Variants in SNTB2 observed in about 807,000 individuals in gnomAD.
The protein encoded by SNTB2 is beta-2-syntrophin.
Under a neutral mutation model 46.2 loss-of-function variants are expected in SNTB2, and 34 were observed. The ratio of observed to expected loss-of-function variants is 0.74; its 90% CI spans 0.56 to 0.98. The LOEUF (loss-of-function observed/expected upper bound fraction) is 0.98, where lower values mean the gene tolerates loss of function less well. SNTB2 is among the 50% of genes least tolerant of loss of function. SNTB2 has a pLI of 0.00. For missense variants in SNTB2, 603 were observed against 731.4 expected, an observed-to-expected ratio of 0.82 and a Z score of 2.02; for synonymous variants, 290 against 312.6, an observed-to-expected ratio of 0.93 and a Z score of 0.76.
intron 3 of SNTB2, among the ~76,000 whole-genome samples, chr16:69,267,649 A>G (rs1337366790): frequency 1.3e-5 from 2 of 152,240 alleles, no homozygotes; most frequent in Non-Finnish European, 2.9e-5. Context: ...AGCACATGGT[A>G]GAGCACTGGT....
At chr16:69,269,723 A>G (rs1470096931) in intron 3 of SNTB2, among the ~76,000 whole-genome samples, 1 of 152,198 alleles carries the variant, frequency 6.6e-6, no homozygotes, top group African/African-American at 2.4e-5. Context: ...TTTAGAAGAT[A>G]TTACACATCA....
intron 1 of SNTB2, among the ~76,000 whole-genome samples, chr16:69,221,041 A>G (rs1168853973): frequency 6.6e-6 from 1 of 152,172 alleles, no homozygotes; most frequent in Non-Finnish European, 1.5e-5. Flanking sequence ...GGACTCACAC[A>G]GTATGTAGCC....
chr16:69,194,018 C>T (rs926054227), intron 1 of SNTB2, among the ~76,000 whole-genome samples: 6 of 152,142 alleles, frequency 3.9e-5, no homozygotes, highest in Non-Finnish European at 7.4e-5. Context: ...AGAGGTTTAA[C>T]TTTATTTGTT....
chr16:69,188,157 T>G (rs114348340), intron 1 of SNTB2, among the ~76,000 whole-genome samples: 6,494 of 149,192 alleles, frequency 0.044, 189 homozygotes, highest in South Asian at 0.075. Flanking sequence ...AAAAAAAAAG[T>G]CCATCTTCAC....
intron 5 of SNTB2, among the ~76,000 whole-genome samples, chr16:69,286,140 T>C (rs1301292008): frequency 1.3e-5 from 2 of 151,108 alleles, no homozygotes; most frequent in Non-Finnish European, 3.0e-5. Context: ...TTTTTAGAGA[T>C]GAGGTCTTAC....
At chr16:69,222,554 C>G (rs1168065263) in intron 1 of SNTB2, among the ~76,000 whole-genome samples, 1 of 149,468 alleles carries the variant, frequency 6.7e-6, no homozygotes, top group Non-Finnish European at 1.5e-5. Flanking sequence ...GATCATGCCA[C>G]TGCACTCCAG....
intron 1 of SNTB2, among the ~76,000 whole-genome samples, chr16:69,231,835 C>G (rs1189348279): frequency 6.6e-6 from 1 of 152,124 alleles, no homozygotes; most frequent in Non-Finnish European, 1.5e-5. Flanking sequence ...ATATTTAAAA[C>G]ATTTTTTATA....
chr16:69,282,698 A>T (rs1252046932), intron 4 of SNTB2, among the ~76,000 whole-genome samples: 1 of 86,818 alleles, frequency 1.2e-5, no homozygotes, highest in Admixed American at 1.0e-4. Context: ...TGACATCTTA[A>T]TATGGAGTCT....
At chr16:69,272,904 A>AG (rs1555500447) in intron 4 of SNTB2, among the ~76,000 whole-genome samples, 1 of 151,750 alleles carries the variant, frequency 6.6e-6, no homozygotes, top group Non-Finnish European at 1.5e-5. Context: ...AAAAAAAAAA[A>AG]AAAAGAAATG....
rs1238101450 is a variant in SNTB2 at position 69,303,857 on chromosome 16, G to C, written c.*2933G>C. On this transcript the variant is annotated 3_prime_UTR_variant, in exon 7 of 7. Transcript: ENST00000336278. ...TTTTCGATATTCTACCTTTTTTATA[G>C]AACCAGCTCACTTTTCATTTCTTTT... 6.6e-6 allele frequency: 1 copy of C among 152,464 alleles called. No individual in the cohort carries two copies. The highest frequency in any genetic ancestry group is 1.9e-4 in the East Asian group (1 of 5,196). The allele number at this position is 152,464 out of a possible 1,614,324, so 9.4% of individuals were successfully genotyped here.
At chr16:69,198,090 C>T (rs1231202031) in intron 1 of SNTB2, among the ~76,000 whole-genome samples, 1 of 147,768 alleles carries the variant, frequency 6.8e-6, no homozygotes, top group Non-Finnish European at 1.5e-5. Context: ...TACAATGTAA[C>T]AGAGTTGATT....
At chr16:69,229,099 G>A (rs891061212) in intron 1 of SNTB2, among the ~76,000 whole-genome samples, 1 of 152,106 alleles carries the variant, frequency 6.6e-6, no homozygotes, top group South Asian at 2.1e-4. Context: ...TGACTCCCCC[G>A]ACGTTGTATT....
chr16:69,233,862 A>C (rs1278361346), intron 1 of SNTB2, among the ~76,000 whole-genome samples: 1 of 152,060 alleles, frequency 6.6e-6, no homozygotes, highest in African/African-American at 2.4e-5. Context: ...CTGTAGTCCT[A>C]ATTACTCAAG....
At chr16:69,199,545 T>C (rs1964139236) in intron 1 of SNTB2, among the ~76,000 whole-genome samples, 1 of 143,128 alleles carries the variant, frequency 7.0e-6, no homozygotes, top group South Asian at 2.2e-4. Flanking sequence ...TGGTGAGCCA[T>C]GATTGCACCA....
At chr16:69,259,227 GTCTT>G (rs1964809626) in intron 2 of SNTB2, among the ~76,000 whole-genome samples, 1 of 144,566 alleles carries the variant, frequency 6.9e-6, no homozygotes, top group African/African-American at 2.6e-5. Context: ...GCCCAAGTTG[GTCTT>G]TCTGATTTTT....
At chr16:69,199,863 G>A (rs1014119486) in intron 1 of SNTB2, among the ~76,000 whole-genome samples, 1 of 152,018 alleles carries the variant, frequency 6.6e-6, no homozygotes, top group African/African-American at 2.4e-5. Context: ...TCAGGAGAAA[G>A]GGGGACTTTT....
intron 5 of SNTB2, among the ~76,000 whole-genome samples, chr16:69,291,649 C>T (rs557564198): frequency 9.2e-5 from 14 of 152,158 alleles, no homozygotes; most frequent in Admixed American, 3.9e-4. Flanking sequence ...TTTGAGGCTG[C>T]GGTGAACTGT....
At chr16:69,281,292 C>T (rs1190003968) in intron 4 of SNTB2, among the ~76,000 whole-genome samples, 3 of 150,622 alleles carry the variant, frequency 2.0e-5, no homozygotes, top group Non-Finnish European at 2.9e-5. Flanking sequence ...AGTGCAATGG[C>T]GCGATCTCGG....
intron 5 of SNTB2, among the ~76,000 whole-genome samples, chr16:69,294,993 T>C (rs558798576): frequency 1.3e-5 from 2 of 151,834 alleles, no homozygotes; most frequent in East Asian, 3.9e-4. Flanking sequence ...TAATTTCTTT[T>C]GTATTTTAGT....
Sources: allele counts gnomAD v4.1 joint callset (sites outside exome capture counted in the v4.1 genomes callset), GRCh38; gene constraint gnomAD v4.1.1; transcripts MANE v1.5; gene names NCBI Gene and HGNC (gene_info 2026-07-23, HGNC 2026-07-21).